SOX5: variants seen among roughly 807,000 people sequenced by gnomAD.
The protein encoded by SOX5 is SRY-box transcription factor 5, also known as transcription factor SOX-5.
Under a neutral mutation model 92.0 loss-of-function variants are expected in SOX5, and 9 were observed. The ratio of observed to expected loss-of-function variants is 0.10; its 90% confidence interval spans 0.06 to 0.17. The LOEUF (loss-of-function observed/expected upper bound fraction) is 0.17. SOX5 is among the 10% of genes least tolerant of loss of function. SOX5 has a pLI of 1.00. For synonymous variants in SOX5, 344 were observed against 336.3 expected (o/e 1.02, Z -0.25); for missense variants, 642 against 944.5 (o/e 0.68, Z 4.20).
chr12:24,387,881 C>A (rs1306786081), intron 1 of SOX5, among the ~76,000 whole-genome samples: 3 of 152,128 alleles, frequency 2.0e-5, no homozygotes, highest in Admixed American at 2.0e-4. Flanking sequence ...GGGTTGAATC[C>A]CAACTGAGCA....
intron 1 of SOX5, among the ~76,000 whole-genome samples, chr12:24,559,729 T>A (rs1257021876): frequency 6.6e-6 from 1 of 152,196 alleles, no homozygotes; most frequent in Admixed American, 6.5e-5. Flanking sequence ...TACCTGAGTA[T>A]AAACTTCACT....
intron 13 of SOX5, among the ~76,000 whole-genome samples, chr12:23,541,782 G>GT (rs1310455942): frequency 1.3e-5 from 2 of 152,124 alleles, no homozygotes; most frequent in Non-Finnish European, 2.9e-5. Context: ...TGTGGACTAG[G>GT]TGGCATCTAT....
intron 1 of SOX5, among the ~76,000 whole-genome samples, chr12:24,520,189 C>G (rs979517217): frequency 6.6e-6 from 1 of 151,990 alleles, no homozygotes; most frequent in Non-Finnish European, 1.5e-5. Context: ...TAAAGGAGTC[C>G]TTTGAATTGA....
At chr12:23,775,762 C>T (rs561970363) in intron 3 of SOX5, among the ~76,000 whole-genome samples, 1 of 152,198 alleles carries the variant, frequency 6.6e-6, no homozygotes, top group African/African-American at 2.4e-5. Context: ...TTTCCACTAT[C>T]TATTTGCACT....
At chr12:24,239,765 AAG>A (rs1423591298) in intron 3 of SOX5, among the ~76,000 whole-genome samples, 7 of 152,218 alleles carry the variant, frequency 4.6e-5, no homozygotes, top group African/African-American at 1.7e-4. Flanking sequence ...TTCTGCCAGG[AAG>A]AGTCTCATCT....
At chr12:23,737,965 CA>C (rs1247111675) in intron 5 of SOX5, among the ~76,000 whole-genome samples, 1 of 152,216 alleles carries the variant, frequency 6.6e-6, no homozygotes, top group African/African-American at 2.4e-5. Flanking sequence ...CATAAGTTTT[CA>C]ACATAATACT....
intron 4 of SOX5, among the ~76,000 whole-genome samples, chr12:23,972,911 T>G (rs925754749): frequency 6.6e-6 from 1 of 152,122 alleles, no homozygotes; most frequent in African/African-American, 2.4e-5. Context: ...ACTAAAACTA[T>G]TCCTCTAGTC....
chr12:24,247,290 CT>C (rs34698176), intron 3 of SOX5, among the ~76,000 whole-genome samples: 16,434 of 152,108 alleles, frequency 0.11, 1,241 homozygotes, highest in Non-Finnish European at 0.15. Flanking sequence ...TGAGATACTT[CT>C]TGGAAGAAAG....
intron 4 of SOX5, among the ~76,000 whole-genome samples, chr12:24,111,203 G>A (rs1056277753): frequency 4.6e-5 from 7 of 152,008 alleles, no homozygotes; most frequent in African/African-American, 1.5e-4. Flanking sequence ...ACTGCTCTAA[G>A]CAAACCACAT....
At chr12:24,327,952 A>G (rs1473473538) in intron 2 of SOX5, among the ~76,000 whole-genome samples, 2 of 151,984 alleles carry the variant, frequency 1.3e-5, no homozygotes, top group Non-Finnish European at 2.9e-5. Flanking sequence ...ACAGCCTCCC[A>G]AAGTGTTGGA....
In SOX5 at chr12:24,337,931, CA is replaced by C. The variant is rs141773020; in HGVS notation, c.-174+30631del. Among the ~76,000 whole-genome samples, 5,446 of 152,184 alleles carry C rather than the reference CA, an allele frequency of 0.036. 622 individuals are homozygous for C. In the East Asian group the frequency reaches 0.44, roughly 12 times the overall value. On this transcript the variant is annotated intron_variant, in intron 2 of 4. Coordinates refer to the SOX5 transcript ENST00000446891. ...AATCATGGAATCACAATGTGACACACAAAATTTTTTTTGCACTAAAAGATGA... is the reference window on the plus strand; with the variant it reads ...AATCATGGAATCACAATGTGACACACAAATTTTTTTTGCACTAAAAGATGA...
intron 1 of SOX5, among the ~76,000 whole-genome samples, chr12:24,494,269 AT>A (rs897185825): frequency 6.6e-6 from 1 of 152,230 alleles, no homozygotes; most frequent in Non-Finnish European, 1.5e-5. Context: ...CCTATAAAGA[AT>A]ATAAAGGCAA....
chr12:23,728,408 T>G (rs759337211), intron 6 of SOX5, among the ~76,000 whole-genome samples: 8 of 152,334 alleles, frequency 5.3e-5, no homozygotes, highest in Non-Finnish European at 1.0e-4. Flanking sequence ...GTAATCTCTT[T>G]GTGCTCTTGT....
chr12:24,407,840 G>A (rs536302316), intron 1 of SOX5, among the ~76,000 whole-genome samples: 300 of 152,260 alleles, frequency 2.0e-3, no homozygotes, highest in African/African-American at 7.0e-3. Context: ...CAGGAACAAC[G>A]TATAGAAAAG....
At chr12:24,505,358 A>G (rs767535025) in intron 1 of SOX5, among the ~76,000 whole-genome samples, 4 of 152,224 alleles carry the variant, frequency 2.6e-5, no homozygotes, top group Admixed American at 6.5e-5. Context: ...AAAACGATCA[A>G]TGTAAGAGAA....
At chr12:23,700,601 T>C (rs1342928998) in intron 6 of SOX5, among the ~76,000 whole-genome samples, 3 of 152,096 alleles carry the variant, frequency 2.0e-5, no homozygotes, top group Non-Finnish European at 4.4e-5. Flanking sequence ...TCTCAAAAAC[T>C]CTTTCCCTTG....
chr12:23,756,023 G>A (rs1347601252), intron 3 of SOX5, among the ~76,000 whole-genome samples: 1 of 151,688 alleles, frequency 6.6e-6, no homozygotes, highest in African/African-American at 2.4e-5. Context: ...TTGCTATAAT[G>A]GATGCTTGTC....
intron 2 of SOX5, among the ~76,000 whole-genome samples, chr12:23,881,145 G>C (rs2096984432): frequency 6.6e-6 from 1 of 152,134 alleles, no homozygotes; most frequent in Admixed American, 6.5e-5. Flanking sequence ...GTTTAACAGT[G>C]TGCTGCCATG....
chr12:23,794,639 T>C (rs1002814082), intron 3 of SOX5, among the ~76,000 whole-genome samples: 1 of 152,204 alleles, frequency 6.6e-6, no homozygotes, highest in South Asian at 2.1e-4. Flanking sequence ...TGATACTTCA[T>C]GTTCCTTGTA....
Sources: gnomAD v4.1 joint callset for allele counts (sites outside exome capture counted in the v4.1 genomes callset) on GRCh38, gnomAD v4.1.1 for gene constraint, MANE v1.5 for transcripts, NCBI Gene and HGNC (gene_info 2026-07-23, HGNC 2026-07-21) for gene names.